ARHGEF12: variants seen among roughly 807,000 people sequenced by gnomAD.
ARHGEF12 encodes Rho guanine nucleotide exchange factor 12.
In ARHGEF12, 66 loss-of-function variants were observed where a neutral mutation model predicts 211.2. The observed-to-expected ratio is 0.31, with a 90% CI of 0.26 to 0.38. The LOEUF is 0.38. Among genes scored for constraint, ARHGEF12 ranks in the 10% least tolerant of loss-of-function variants. The pLI, the probability that ARHGEF12 is intolerant of heterozygous loss-of-function variation, is 1.00. For missense variants in ARHGEF12, 1,429 were observed against 1,869.5 expected, an observed-to-expected ratio of 0.76 and a Z score of 4.34; for synonymous variants, 592 against 638.4, an observed-to-expected ratio of 0.93 and a Z score of 1.09.
intron 28 of ARHGEF12, among the ~76,000 whole-genome samples, chr11:120,465,631 T>A (rs1946682042): frequency 6.6e-6 from 1 of 152,174 alleles, no homozygotes; most frequent in Non-Finnish European, 1.5e-5. Flanking sequence ...CACGCCCTGC[T>A]AATTTTTTCT....
In ARHGEF12 at chr11:120,336,423, G is replaced by A. The variant is rs1433218751; in HGVS notation, c.-821G>A. ...CCCGCGAGGGCCTCCAGAACCCGGC[G>A]AGCCGGCCCTGCGCCGGGAGACGCC... is the stretch of plus-strand genomic sequence containing the variant. On this transcript the variant is annotated 5_prime_UTR_variant, in exon 1 of 41. Coordinates refer to ENST00000397843, the MANE Select transcript of ARHGEF12 (RefSeq NM_015313.3). Among the ~76,000 whole-genome samples the A allele has an allele frequency of 6.6e-6, 1 of 151,274 alleles. No homozygotes were observed. Among genetic ancestry groups the A allele is most frequent in the Non-Finnish European group, 1.5e-5 (1 of 67,738 alleles).
chr11:120,405,541 G>C (rs963190089), intron 1 of ARHGEF12, among the ~76,000 whole-genome samples: 32 of 152,120 alleles, frequency 2.1e-4, no homozygotes, highest in African/African-American at 7.0e-4. Context: ...TTTTTTTCTA[G>C]ATAATCTGTT....
chr11:120,478,366 G>A lies in ARHGEF12; in HGVS notation c.3743G>A (p.Trp1248Ter). 6.2e-7 allele frequency: 1 copy of A among 1,614,094 alleles called. No homozygotes were observed. Among genetic ancestry groups the A allele is most frequent in the Non-Finnish European group, 8.5e-7 (1 of 1,180,000 alleles). ...DSHLPVSEER[W>*]ALDALRNLGL... ...CACCTGCCTGTCTCAGAAGAACGGT[G>A]GGCATTGGATGCACTAAGAAATTGT... Residue 1248 changes from tryptophan to a stop codon, truncating the protein, a stop_gained, in exon 37 of 41, where the codon TGG becomes TAG. Transcript: ENST00000397843. LOFTEE classifies it high-confidence loss of function.
intron 1 of ARHGEF12, among the ~76,000 whole-genome samples, chr11:120,360,090 A>C (rs1943238259): frequency 6.6e-6 from 1 of 152,114 alleles, no homozygotes; most frequent in African/African-American, 2.4e-5. Flanking sequence ...AAGGGTAAGG[A>C]GGTGAGTTGG....
intron 22 of ARHGEF12, among the ~76,000 whole-genome samples, chr11:120,453,933 C>T (rs1946285463): frequency 6.6e-6 from 1 of 152,216 alleles, no homozygotes; most frequent in African/African-American, 2.4e-5. Flanking sequence ...GTTATATCAG[C>T]AGCTTCTAAT....
At chr11:120,444,385 AC>A (rs1175243882) in intron 15 of ARHGEF12, among the ~76,000 whole-genome samples, 2 of 152,194 alleles carry the variant, frequency 1.3e-5, no homozygotes, top group Non-Finnish European at 2.9e-5. Flanking sequence ...TGCTAATTAT[AC>A]TTTTATGCTA....
chr11:120,436,875 A>T (rs1945710596), intron 11 of ARHGEF12, among the ~76,000 whole-genome samples: 1 of 152,210 alleles, frequency 6.6e-6, no homozygotes, highest in African/African-American at 2.4e-5. Context: ...CACCTTTCAC[A>T]TGAAGCGAGT....
intron 39 of ARHGEF12, among the ~76,000 whole-genome samples, 162 bp downstream of exon 39, chr11:120,481,738 T>G (rs1947243458): frequency 6.6e-6 from 1 of 151,998 alleles, no homozygotes; most frequent in Admixed American, 6.6e-5. Context: ...GAGATTGGCA[T>G]TGTTTATCTT....
At chr11:120,451,014 CTCT>C (rs796221763) in intron 21 of ARHGEF12, 10 of 152,576 alleles carry the variant, frequency 6.6e-5, no homozygotes, top group African/African-American at 2.2e-4. Context: ...CTCCCTTTCT[CTCT>C]TTTCTTCTTC....
chr11:120,453,648 A>T (rs1946276944), intron 22 of ARHGEF12, among the ~76,000 whole-genome samples: 1 of 152,190 alleles, frequency 6.6e-6, no homozygotes, highest in Non-Finnish European at 1.5e-5. Flanking sequence ...TCCTAGGAAG[A>T]CAAGGCTGCA....
intron 1 of ARHGEF12, among the ~76,000 whole-genome samples, chr11:120,347,164 C>CTT (rs1565417041): frequency 3.1e-5 from 2 of 64,184 alleles, no homozygotes; most frequent in Non-Finnish European, 5.6e-5. Context: ...TCCTTCCTTC[C>CTT]TTCCTTCCTT....
At chr11:120,454,038 G>T (rs1473644969) in intron 22 of ARHGEF12, among the ~76,000 whole-genome samples, 1 of 152,170 alleles carries the variant, frequency 6.6e-6, no homozygotes, top group East Asian at 1.9e-4. Flanking sequence ...ATTGTGTAGG[G>T]AGAGTTAAGT....
intron 32 of ARHGEF12, 35 bp from the exon 33 acceptor site, chr11:120,475,305 G>A (rs1946996236): frequency 1.3e-6 from 2 of 1,593,272 alleles, no homozygotes; most frequent in South Asian, 1.1e-5. Flanking sequence ...CTCCATTTCT[G>A]TACTTACCAT....
chr11:120,464,976 A>G (rs1050407150), intron 27 of ARHGEF12: 19 of 362,990 alleles, frequency 5.2e-5, no homozygotes, highest in Non-Finnish European at 8.9e-5. Context: ...ATTGTACTCC[A>G]GCCTGGGCGA....
intron 39 of ARHGEF12, among the ~76,000 whole-genome samples, chr11:120,481,792 C>T (rs1344898591): frequency 6.8e-6 from 1 of 147,500 alleles, no homozygotes; most frequent in Non-Finnish European, 1.5e-5. Flanking sequence ...CGGAGTCTCG[C>T]TCTGTCAACC....
At chr11:120,447,962 T>C in intron 19 of ARHGEF12, 56 bp downstream of exon 19, 1 of 1,355,670 alleles carries the variant, frequency 7.4e-7, no homozygotes, top group Admixed American at 2.4e-5. Flanking sequence ...ACTATGTTTT[T>C]TTCCTTTCAG....
At chr11:120,387,510 G>A (rs1198223857) in intron 1 of ARHGEF12, among the ~76,000 whole-genome samples, 1 of 151,950 alleles carries the variant, frequency 6.6e-6, no homozygotes, top group Non-Finnish European at 1.5e-5. Flanking sequence ...ATTCCCTGGG[G>A]GCCAAAATTA....
intron 32 of ARHGEF12, 27 bp from the exon 33 acceptor site, chr11:120,475,313 C>A: frequency 6.2e-7 from 1 of 1,604,252 alleles, no homozygotes; most frequent in South Asian, 1.1e-5. Context: ...CTGTACTTAC[C>A]ATTTTTTTCT....
chr11:120,415,314 A>G (rs1036665816), intron 4 of ARHGEF12, among the ~76,000 whole-genome samples: 4 of 151,910 alleles, frequency 2.6e-5, no homozygotes, highest in African/African-American at 9.7e-5. Context: ...TTTTTTCTCC[A>G]TTTGTTTTCA....
Sources: allele counts gnomAD v4.1 joint callset (sites outside exome capture counted in the v4.1 genomes callset), GRCh38; gene constraint gnomAD v4.1.1; transcripts MANE v1.5; gene names NCBI Gene and HGNC (gene_info 2026-07-23, HGNC 2026-07-21).